CHRDL1: variants seen among roughly 807,000 people sequenced by gnomAD.
CHRDL1 encodes chordin-like protein 1.
CHRDL1 carries 19 observed loss-of-function variants against 40.9 expected under a neutral mutation model. That is an observed-to-expected ratio of 0.46 (90% CI 0.32 to 0.68). CHRDL1 has a LOEUF of 0.68. CHRDL1 is among the 30% of genes least tolerant of loss of function. The probability of loss-of-function intolerance (pLI) is 0.03; values close to 1 mark genes in which losing one functional copy is unlikely to be tolerated. For missense variants in CHRDL1, 329 were observed against 352.1 expected (o/e 0.93, Z 0.53); for synonymous variants, 136 against 123.4 (o/e 1.10, Z -0.68).
chrX:110,705,364 C>T (rs775949845), intron 6 of CHRDL1, among the ~76,000 whole-genome samples: 134 of 2,397 alleles, frequency 0.056, 3 homozygotes, highest in African/African-American at 0.18. Context: ...TACACACACA[C>T]ATATATATAT....
chrX:110,680,525 G>A (rs1396023561), intron 10 of CHRDL1, among the ~76,000 whole-genome samples: 1 of 111,856 alleles, frequency 8.9e-6, no homozygotes, highest in African/African-American at 3.3e-5. Context: ...AGAATCATCT[G>A]GCTATTTGTT....
chrX:110,674,248 TGGAGGCAGGAGTATATCTA>T lies in CHRDL1; in HGVS notation c.*1964_*1982del, dbSNP rs2069726291. 9.0e-6 allele frequency: 1 copy of T among 111,191 alleles called. No homozygotes were observed. The highest frequency in any genetic ancestry group is 9.6e-5 in the Admixed American group (1 of 10,399). 9.2% of individuals were successfully genotyped at this position (111,191 alleles called of 1,213,427 possible). On this transcript the variant is annotated 3_prime_UTR_variant, in exon 12 of 12. Coordinates refer to ENST00000372042, the MANE Select transcript of CHRDL1 (RefSeq NM_001143981.2). ...TTTTGCAAAGGTGTGTCCCAGCACC[TGGAGGCAGGAGTATATCTA>T]GGGAAACTCTCTGCGTGTTCTCTTA...
chrX:110,686,543 G>T (rs1377723000), intron 9 of CHRDL1, among the ~76,000 whole-genome samples: 2 of 111,593 alleles, frequency 1.8e-5, no homozygotes, highest in Admixed American at 1.9e-4. Flanking sequence ...GATACTAAAA[G>T]GTTTGAGGAT....
chrX:110,777,792 A>G (rs981106558), intron 2 of CHRDL1, among the ~76,000 whole-genome samples: 1 of 111,466 alleles, frequency 9.0e-6, no homozygotes. Context: ...TATTTTTCCC[A>G]GTCTGTGGCT....
intron 4 of CHRDL1, among the ~76,000 whole-genome samples, chrX:110,757,082 G>A (rs1345849602): frequency 9.0e-6 from 1 of 111,247 alleles, no homozygotes; most frequent in Non-Finnish European, 1.9e-5. Flanking sequence ...GGAGAACAGA[G>A]TTGAAGTAAT....
At chrX:110,781,745 G>T (rs758849865) in intron 2 of CHRDL1, among the ~76,000 whole-genome samples, 1 of 111,820 alleles carries the variant, frequency 8.9e-6, no homozygotes, top group South Asian at 3.8e-4. Flanking sequence ...AACTGTTTAA[G>T]ATTCTGACTT....
intron 2 of CHRDL1, among the ~76,000 whole-genome samples, chrX:110,790,501 GC>G (rs2090081830): frequency 9.0e-6 from 1 of 111,374 alleles, no homozygotes; most frequent in Admixed American, 9.5e-5. Flanking sequence ...AGAGTTACAA[GC>G]TTTCCCCATG....
At chrX:110,736,973 C>G (rs113978123) in intron 4 of CHRDL1, among the ~76,000 whole-genome samples, 206 of 111,772 alleles carry the variant, frequency 1.8e-3, no homozygotes, top group African/African-American at 6.1e-3. Flanking sequence ...GAAGTGATCC[C>G]AGAAGTGGAG....
At chrX:110,680,958 G>A (rs375697427) in intron 10 of CHRDL1, among the ~76,000 whole-genome samples, 25 of 112,177 alleles carry the variant, frequency 2.2e-4, no homozygotes, top group Admixed American at 6.6e-4. Context: ...AAGACACATC[G>A]TGATATTAGG....
At position 110,675,466 on chromosome X, in the gene CHRDL1, G is replaced by GA. The variant is rs1466331336; in HGVS notation, c.*764dup. 1 of 111,401 alleles carries GA rather than the reference G, an allele frequency of 9.0e-6. No individual in the cohort carries two copies. Among genetic ancestry groups the GA allele is most frequent in the Non-Finnish European group, 1.9e-5 (1 of 53,099 alleles). The allele number at this position is 111,401 out of a possible 1,213,427, so 9.2% of individuals were successfully genotyped here. A position where few individuals can be genotyped will look rare whatever the true frequency, so the allele number is the denominator to read the frequency against. On this transcript the variant is annotated 3_prime_UTR_variant, in exon 12 of 12. Coordinates refer to ENST00000372042, the MANE Select transcript of CHRDL1 (RefSeq NM_001143981.2). ...CTTCTAAGTGAATGAATGAGGCTAT[G>GA]AAAGTGTTTTTATTCTTTACCCTGA...
intron 2 of CHRDL1, among the ~76,000 whole-genome samples, chrX:110,789,468 A>G (rs2090065670): frequency 8.9e-6 from 1 of 112,321 alleles, no homozygotes; most frequent in Non-Finnish European, 1.9e-5. Flanking sequence ...TAAATGTCTT[A>G]CTTTTAATAG....
intron 6 of CHRDL1, among the ~76,000 whole-genome samples, chrX:110,713,732 G>A (rs1170368848): frequency 8.9e-6 from 1 of 112,628 alleles, no homozygotes; most frequent in Non-Finnish European, 1.9e-5. Flanking sequence ...GATATAAATA[G>A]TTGCTACTAT....
chrX:110,760,987 T>C (rs943755372), intron 3 of CHRDL1, among the ~76,000 whole-genome samples: 3 of 111,258 alleles, frequency 2.7e-5, no homozygotes, highest in East Asian at 2.8e-4. Flanking sequence ...CTAGAGCTAA[T>C]AGATTAATAA....
intron 10 of CHRDL1, 130 bp downstream of exon 10, chrX:110,681,352 C>A (rs917838738): frequency 5.7e-6 from 3 of 527,468 alleles, no homozygotes; most frequent in African/African-American, 4.7e-5. Context: ...TTAGATATGT[C>A]AGTTTCTAAG....
intron 6 of CHRDL1, among the ~76,000 whole-genome samples, chrX:110,708,261 T>C (rs753037781): frequency 9.0e-6 from 1 of 110,714 alleles, no homozygotes; most frequent in Admixed American, 9.6e-5. Context: ...GAACCAGAAA[T>C]ACCATTTGAC....
At chrX:110,761,607 A>G (rs1485601699) in intron 3 of CHRDL1, among the ~76,000 whole-genome samples, 3 of 112,148 alleles carry the variant, frequency 2.7e-5, no homozygotes, top group Non-Finnish European at 5.6e-5. Context: ...ATTTTTGGTT[A>G]TTAGGATTGG....
chrX:110,782,870 A>C (rs926728648), intron 2 of CHRDL1, among the ~76,000 whole-genome samples: 6 of 112,243 alleles, frequency 5.3e-5, no homozygotes, highest in Non-Finnish European at 1.1e-4. Context: ...ATCTTACTCA[A>C]ACACTAACTG....
chrX:110,710,860 C>T (rs1569469105), intron 6 of CHRDL1, among the ~76,000 whole-genome samples: 1 of 111,241 alleles, frequency 9.0e-6, no homozygotes, highest in South Asian at 3.8e-4. Flanking sequence ...TTAATGACAG[C>T]GAGACTCTTC....
At chrX:110,752,843 G>T (rs1432354242) in intron 4 of CHRDL1, among the ~76,000 whole-genome samples, 1 of 110,733 alleles carries the variant, frequency 9.0e-6, no homozygotes, top group African/African-American at 3.3e-5. Context: ...AACGAATATA[G>T]AATTCAGAAG....
Sources: gnomAD v4.1 joint callset for allele counts (sites outside exome capture counted in the v4.1 genomes callset) on GRCh38, gnomAD v4.1.1 for gene constraint, MANE v1.5 for transcripts, NCBI Gene and HGNC (gene_info 2026-07-23, HGNC 2026-07-21) for gene names.